Variants in IGFBP4 observed in about 807,000 individuals in gnomAD.
IGFBP4 encodes insulin-like growth factor-binding protein 4.
Under a neutral mutation model 25.8 loss-of-function variants are expected in IGFBP4, and 9 were observed. The ratio of observed to expected loss-of-function variants is 0.35; its 90% CI spans 0.21 to 0.61. IGFBP4 has a LOEUF of 0.61. Ranked by LOEUF, IGFBP4 falls within the 20% of genes least tolerant of loss-of-function variation. IGFBP4 has a pLI of 0.77. For missense variants in IGFBP4, 315 were observed against 365.3 expected (o/e 0.86, Z 1.12); for synonymous variants, 153 against 153.9 (o/e 0.99, Z 0.05).
At chr17:40,449,026 A>G (rs902418031) in intron 1 of IGFBP4, among the ~76,000 whole-genome samples, 1 of 152,140 alleles carries the variant, frequency 6.6e-6, no homozygotes, top group African/African-American at 2.4e-5. Flanking sequence ...CTAAGGAGGG[A>G]GCTACTCTCC....
intron 1 of IGFBP4, among the ~76,000 whole-genome samples, chr17:40,447,873 G>A (rs752248156): frequency 1.1e-4 from 16 of 152,172 alleles, no homozygotes; most frequent in Non-Finnish European, 1.9e-4. Flanking sequence ...GCGGTAGGAC[G>A]AGGGAGCAAA....
At chr17:40,445,856 G>C (rs560701219) in intron 1 of IGFBP4, among the ~76,000 whole-genome samples, 161 of 152,240 alleles carry the variant, frequency 1.1e-3, no homozygotes, top group African/African-American at 3.7e-3. Flanking sequence ...ATGGCTGGTA[G>C]CCTCCTCCTC....
In IGFBP4 at chr17:40,453,891, T is replaced by C; in HGVS notation, c.508-37T>C. The C allele has an allele frequency of 6.5e-7, 1 of 1,542,644 alleles. No individual in the cohort carries two copies. Among genetic ancestry groups the C allele is most frequent in the Non-Finnish European group, 8.8e-7 (1 of 1,130,668 alleles). ...CCAGGCCTGGGCCTCCTGCCTCTCT[T>C]CCTTCTGCTGAGCAATTTTGTCTTC... On this transcript the variant is annotated intron_variant, in intron 2 of 3. Transcript: ENST00000269593. This position sits in a 1 kb window ranked among gnomAD's most constrained non-coding sequence, Gnocchi z 4.0.
chr17:40,447,319 A>G (rs1465367190), intron 1 of IGFBP4, among the ~76,000 whole-genome samples: 3 of 152,350 alleles, frequency 2.0e-5, no homozygotes, highest in South Asian at 2.1e-4. Flanking sequence ...GTGTGCATCA[A>G]AAGTCCACAC....
intron 3 of IGFBP4, among the ~76,000 whole-genome samples, chr17:40,454,377 G>A (rs1005322859): frequency 6.6e-6 from 1 of 152,148 alleles, no homozygotes; most frequent in Non-Finnish European, 1.5e-5. Context: ...TGCAGACCTA[G>A]CAACCCTGAC....
At chr17:40,445,801 A>T (rs986699075) in intron 1 of IGFBP4, among the ~76,000 whole-genome samples, 6 of 151,956 alleles carry the variant, frequency 3.9e-5, no homozygotes, top group African/African-American at 1.5e-4. Flanking sequence ...TTCCCTTTGA[A>T]TCTCCATCCT....
intron 1 of IGFBP4, among the ~76,000 whole-genome samples, chr17:40,445,781 C>A (rs1172578924): frequency 6.6e-6 from 1 of 152,118 alleles, no homozygotes. Context: ...CGGGGTACAA[C>A]AGAGTCACGT....
Position 40,444,747 on chromosome 17 carries a change from A to G in IGFBP4, c.349+663A>G, listed in dbSNP as rs10305281. On this transcript the variant is annotated intron_variant, in intron 1 of 3. Transcript: ENST00000269593. ...AGGCCCCCTGTTCTTTTCTCCAGGCAGGTAGGATTTGAGGTGGTAGAAAAG... is the reference window on the plus strand; with the variant it reads ...AGGCCCCCTGTTCTTTTCTCCAGGCGGGTAGGATTTGAGGTGGTAGAAAAG... Among the ~76,000 whole-genome samples, 259 of 152,126 alleles carry G rather than the reference A, an allele frequency of 1.7e-3. 1 individual carries two copies. The highest frequency in any genetic ancestry group is 5.8e-3 in the South Asian group (28 of 4,812).
chr17:40,444,169 C>A (rs1446148574), intron 1 of IGFBP4, 85 bp downstream of exon 1: 1 of 1,061,140 alleles, frequency 9.4e-7, no homozygotes, highest in Non-Finnish European at 1.4e-6. Flanking sequence ...CCCTGGAAGG[C>A]CCTTAAAAAT....
intron 1 of IGFBP4, among the ~76,000 whole-genome samples, chr17:40,444,563 G>A (rs1403516413): frequency 1.3e-5 from 2 of 152,112 alleles, no homozygotes; most frequent in Non-Finnish European, 2.9e-5. Context: ...TGGTCCAGTG[G>A]TGGAGTGGGA....
At chr17:40,449,914 A>G (rs2035673193) in intron 1 of IGFBP4, among the ~76,000 whole-genome samples, 1 of 152,064 alleles carries the variant, frequency 6.6e-6, no homozygotes, top group African/African-American at 2.4e-5. Context: ...ACTCTTCCTC[A>G]CTCCTTGAAC....
intron 1 of IGFBP4, among the ~76,000 whole-genome samples, chr17:40,446,540 C>T (rs937383563): frequency 2.6e-5 from 4 of 152,018 alleles, no homozygotes; most frequent in African/African-American, 9.7e-5. Flanking sequence ...CACTTGAACC[C>T]GGGAGGTGGA....
chr17:40,446,827 G>A (rs1444608528), intron 1 of IGFBP4, among the ~76,000 whole-genome samples: 2 of 152,112 alleles, frequency 1.3e-5, no homozygotes, highest in Non-Finnish European at 2.9e-5. Context: ...AGCTATGCCC[G>A]TGCCCTCCCA....
intron 1 of IGFBP4, among the ~76,000 whole-genome samples, chr17:40,446,645 CAAAA>C (rs560154347): frequency 3.6e-4 from 54 of 152,018 alleles, no homozygotes; most frequent in African/African-American, 1.1e-3. Context: ...ACAAAAAAAA[CAAAA>C]AACGGTGTCT....
chr17:40,452,857 G>A (rs1402795490), intron 1 of IGFBP4, 128 bp from the exon 2 acceptor site: 36 of 668,780 alleles, frequency 5.4e-5, no homozygotes, highest in Non-Finnish European at 8.3e-5. Flanking sequence ...CGCTCCCCAG[G>A]CCCCCTGCTC....
At chr17:40,445,530 C>T (rs1477768689) in intron 1 of IGFBP4, among the ~76,000 whole-genome samples, 2 of 152,240 alleles carry the variant, frequency 1.3e-5, no homozygotes, top group Admixed American at 1.3e-4. Context: ...GCAGGGAAAA[C>T]AGGAAGGAGG....
chr17:40,443,919 G>T lies in IGFBP4; in HGVS notation c.184G>T (p.Gly62Cys). 1 of 1,531,384 alleles carries T rather than the reference G, an allele frequency of 6.5e-7. No individual in the cohort carries two copies. The highest frequency in any genetic ancestry group is 8.7e-7 in the Non-Finnish European group (1 of 1,144,160). 94.9% of individuals were successfully genotyped at this position (1,531,384 alleles called of 1,614,324 possible). Reference sequence around the variant, plus strand: ...CGGCTGTTGCGCCACTTGCGCCCTGGGCTTGGGGATGCCCTGCGGGGTGTA... The same window carrying T: ...CGGCTGTTGCGCCACTTGCGCCCTGTGCTTGGGGATGCCCTGCGGGGTGTA... ...GCGCCATCAL[G>C]LGMPCGVYTP... The change falls in exon 1 of 4, where the codon GGC becomes TGC. Residue 62 changes from glycine (G) to cysteine (C), a missense_variant. Physicochemically the swap from Gly to Cys is radical, Grantham distance 159 (BLOSUM62 -3). Transcript: ENST00000269593.
At chr17:40,452,334 C>A (rs2035688071) in intron 1 of IGFBP4, among the ~76,000 whole-genome samples, 1 of 152,204 alleles carries the variant, frequency 6.6e-6, no homozygotes, top group African/African-American at 2.4e-5. Flanking sequence ...TGAGGCTGTT[C>A]TTGTGGTCCT....
chr17:40,448,290 C>T (rs1386216879), intron 1 of IGFBP4, among the ~76,000 whole-genome samples: 1 of 152,270 alleles, frequency 6.6e-6, no homozygotes, highest in Non-Finnish European at 1.5e-5. Context: ...AATCCTCTGG[C>T]TTTCGCCACA....
Sources: allele counts gnomAD v4.1 joint callset (sites outside exome capture counted in the v4.1 genomes callset), GRCh38; gene constraint gnomAD v4.1.1; non-coding constraint Gnocchi (gnomAD v3.1); transcripts MANE v1.5; gene names NCBI Gene and HGNC (gene_info 2026-07-23, HGNC 2026-07-21).